Variants in CHN2 observed in about 807,000 individuals in gnomAD.
CHN2 encodes beta-chimaerin.
CHN2 carries 35 observed loss-of-function variants against 56.3 expected under a neutral mutation model. The observed-to-expected ratio is 0.62, with a 90% CI of 0.47 to 0.82. The LOEUF (loss-of-function observed/expected upper bound fraction) is 0.82, where lower values mean the gene tolerates loss of function less well. Among genes scored for constraint, CHN2 ranks in the 40% least tolerant of loss-of-function variants. The pLI, the probability that CHN2 is intolerant of heterozygous loss-of-function variation, is 0.00. For synonymous variants in CHN2, 210 were observed against 212.8 expected (o/e 0.99, Z 0.12); for missense variants, 491 against 580.5 (o/e 0.85, Z 1.58).
At chr7:29,354,799 G>C in intron 2 of CHN2, 136 bp downstream of exon 2, 1 of 742,334 alleles carries the variant, frequency 1.3e-6, no homozygotes, top group Non-Finnish European at 2.3e-6. Context: ...TTTCCACTGA[G>C]GAAAAAGATT....
chr7:29,398,576 T>A, intron 5 of CHN2, 90 bp downstream of exon 5: 2 of 785,974 alleles, frequency 2.5e-6, no homozygotes, highest in Non-Finnish European at 4.3e-6. Flanking sequence ...AGAGTATACA[T>A]AACACAAAAT....
intron 5 of CHN2, 95 bp from the exon 6 acceptor site, chr7:29,400,448 C>T: frequency 8.1e-7 from 1 of 1,234,836 alleles, no homozygotes; most frequent in Non-Finnish European, 1.2e-6. Context: ...GCCTGGGATA[C>T]ACTAAGTATT....
intron 1 of CHN2, among the ~76,000 whole-genome samples, chr7:29,261,060 AC>A (rs1016434938): frequency 6.6e-6 from 1 of 151,946 alleles, no homozygotes; most frequent in Non-Finnish European, 1.5e-5. Context: ...TGATAATGAT[AC>A]CCCCCCACCT....
At chr7:29,368,488 CTGAT>C (rs1562552527) in intron 3 of CHN2, among the ~76,000 whole-genome samples, 2 of 152,156 alleles carry the variant, frequency 1.3e-5, no homozygotes, top group Non-Finnish European at 2.9e-5. Context: ...AATCAGTTCT[CTGAT>C]TGTGTGGGAT....
intron 6 of CHN2, among the ~76,000 whole-genome samples, chr7:29,412,804 GT>G (rs1031637852): frequency 9.4e-5 from 14 of 149,448 alleles, no homozygotes; most frequent in African/African-American, 3.2e-4. Context: ...CAGATGAGCA[GT>G]TGGGAACCTG....
At chr7:29,332,099 A>G (rs1322979876) in intron 1 of CHN2, among the ~76,000 whole-genome samples, 1 of 152,106 alleles carries the variant, frequency 6.6e-6, no homozygotes, top group East Asian at 1.9e-4. Context: ...ATATTCTAAT[A>G]TGATTTATAT....
At chr7:29,483,411 T>C (rs181906721) in intron 7 of CHN2, among the ~76,000 whole-genome samples, 20 of 152,294 alleles carry the variant, frequency 1.3e-4, no homozygotes, top group African/African-American at 4.6e-4. Flanking sequence ...ACAAAAGCTT[T>C]GGGAACCAAA....
intron 1 of CHN2, among the ~76,000 whole-genome samples, chr7:29,222,477 G>A (rs931289434): frequency 1.4e-5 from 2 of 146,732 alleles, no homozygotes; most frequent in Non-Finnish European, 3.0e-5. Context: ...CAAGGCTACA[G>A]TAACCAAAAC....
At chr7:29,504,408 C>T (rs966835983) in intron 9 of CHN2, among the ~76,000 whole-genome samples, 4 of 152,108 alleles carry the variant, frequency 2.6e-5, no homozygotes, top group Non-Finnish European at 4.4e-5. Flanking sequence ...CCTACGATGA[C>T]GAAATTCATG....
chr7:29,347,117 A>C (rs1797506561), intron 1 of CHN2, among the ~76,000 whole-genome samples: 1 of 152,220 alleles, frequency 6.6e-6, no homozygotes, highest in East Asian at 1.9e-4. Flanking sequence ...GGCATCAAAA[A>C]TTAAGAGCAT....
chr7:29,447,769 T>C (rs1784131244), intron 6 of CHN2, among the ~76,000 whole-genome samples: 1 of 152,184 alleles, frequency 6.6e-6, no homozygotes, highest in South Asian at 2.1e-4. Flanking sequence ...ATATGTGATA[T>C]GAGTGACAAG....
chr7:29,324,192 G>A (rs961645068), intron 1 of CHN2, among the ~76,000 whole-genome samples: 1 of 152,152 alleles, frequency 6.6e-6, no homozygotes, highest in African/African-American at 2.4e-5. Flanking sequence ...CCCATCTTAG[G>A]TTCTACAATA....
At chr7:29,472,839 A>G (rs1159838067) in intron 6 of CHN2, among the ~76,000 whole-genome samples, 1 of 152,222 alleles carries the variant, frequency 6.6e-6, no homozygotes, top group Non-Finnish European at 1.5e-5. Context: ...AACAGAGAGG[A>G]GGAATGAGTC....
chr7:29,248,236 T>C (rs569747847), intron 1 of CHN2, among the ~76,000 whole-genome samples: 1 of 152,294 alleles, frequency 6.6e-6, no homozygotes, highest in South Asian at 2.1e-4. Flanking sequence ...CTGGTGGCAA[T>C]ATCAGGAAGA....
At chr7:29,370,292 T>C (rs1799506183) in intron 3 of CHN2, among the ~76,000 whole-genome samples, 1 of 152,204 alleles carries the variant, frequency 6.6e-6, no homozygotes, top group African/African-American at 2.4e-5. Flanking sequence ...GTCATACGTC[T>C]TGTTGTCTTG....
intron 2 of CHN2, among the ~76,000 whole-genome samples, chr7:29,166,472 C>T (rs1335644611): frequency 2.0e-5 from 3 of 151,834 alleles, no homozygotes; most frequent in Admixed American, 1.3e-4. Context: ...TTTGTTTGTT[C>T]GTTTGTTTGT....
intron 6 of CHN2, chr7:29,401,046 A>C: frequency 1.8e-6 from 1 of 547,822 alleles, no homozygotes; most frequent in South Asian, 2.1e-5. Flanking sequence ...AGGCAGGTGG[A>C]TCACGAGGTC....
At chr7:29,386,100 C>CCT in intron 3 of CHN2, among the ~76,000 whole-genome samples, 1 of 152,134 alleles carries the variant, frequency 6.6e-6, no homozygotes, top group Admixed American at 6.5e-5. Flanking sequence ...TAAAGAAATG[C>CCT]CATGAGGAAA....
At position 29,364,827 on chromosome 7, in the gene CHN2, C is replaced by T. The variant is rs114737719; in HGVS notation, c.89-3105C>T. On this transcript the variant is annotated intron_variant, in intron 2 of 12. Transcript: ENST00000222792. Reference sequence around the variant, plus strand: ...AAAGTATACATTGAGGAATCTTTGTCCCATTCCTGTCCTTGTCTTTCTTTT... The same window carrying T: ...AAAGTATACATTGAGGAATCTTTGTTCCATTCCTGTCCTTGTCTTTCTTTT... Among the ~76,000 whole-genome samples, 734 of 152,270 alleles carry T rather than the reference C, an allele frequency of 4.8e-3. 4 individuals carry two copies. The highest frequency in any genetic ancestry group is 0.016 in the African/African-American group (677 of 41,550).
Sources: allele counts gnomAD v4.1 joint callset (sites outside exome capture counted in the v4.1 genomes callset), GRCh38; gene constraint gnomAD v4.1.1; transcripts MANE v1.5; gene names NCBI Gene and HGNC (gene_info 2026-07-23, HGNC 2026-07-21).